SETD1A: variants seen among roughly 807,000 people sequenced by gnomAD.
The protein encoded by SETD1A is SET domain containing 1A, histone lysine methyltransferase, also known as histone-lysine N-methyltransferase SETD1A.
SETD1A carries 29 observed loss-of-function variants against 149.9 expected under a neutral mutation model. The observed-to-expected ratio is 0.19, with a 90% CI of 0.14 to 0.26. The LOEUF (loss-of-function observed/expected upper bound fraction) is 0.26. Ranked by LOEUF, SETD1A falls within the 10% of genes least tolerant of loss-of-function variation. The probability of loss-of-function intolerance (pLI) is 1.00; values close to 1 mark genes in which losing one functional copy is unlikely to be tolerated. For synonymous variants in SETD1A, 1,141 were observed against 968.5 expected (o/e 1.18, Z -3.31); for missense variants, 2,109 against 2,353.1 (o/e 0.90, Z 2.15).
chr16:30,964,001 A>C (rs1015688987), intron 5 of SETD1A, 93 bp from the exon 6 acceptor site: 12 of 1,062,218 alleles, frequency 1.1e-5, no homozygotes, highest in Non-Finnish European at 1.5e-5. Context: ...CAAAAAAAAA[A>C]AAAGGGAACT....
In SETD1A at chr16:30,979,961, G is replaced by A. The variant is rs772206552; in HGVS notation, c.4175G>A (p.Arg1392His). ...GATGGGGAGGGCGCCCTCCGGAGGC[G>A]CAGCCTCCGCTCCCACGCCCGGCGC... ...SSDGEGALRR[R>H]SLRSHARRRR... Residue 1392 changes from arginine (R) to histidine (H), a missense_variant, in exon 14 of 19, where the codon CGC becomes CAC. Physicochemically the swap from Arg to His is conservative, Grantham distance 29. Around this residue, in one of 8 missense-constraint regions of SETD1A, gnomAD observed 832 missense variants for 815.6 expected, o/e 1.02. Transcript: ENST00000262519. 7.7e-5 allele frequency: 118 copies of A among 1,529,236 alleles called. No homozygotes were observed. Among genetic ancestry groups the A allele is most frequent in the South Asian group, 3.1e-4 (26 of 83,022 alleles). The allele number at this position is 1,529,236 out of a possible 1,614,324, so 94.7% of individuals were successfully genotyped here. A position where few individuals can be genotyped will look rare whatever the true frequency, so the allele number is the denominator to read the frequency against.
chr16:30,959,952 C>T (rs1204455908), intron 3 of SETD1A, among the ~76,000 whole-genome samples: 1 of 152,062 alleles, frequency 6.6e-6, no homozygotes, highest in African/African-American at 2.4e-5. Flanking sequence ...AATTATCTAC[C>T]TCCTTAACCT....
chr16:30,968,537 G>A (rs895525732), intron 10 of SETD1A, among the ~76,000 whole-genome samples: 4 of 151,858 alleles, frequency 2.6e-5, no homozygotes. Flanking sequence ...GCAGGGTGGA[G>A]CTCACCTGTA....
In SETD1A at chr16:30,984,250, A is replaced by C. The variant is rs1364622097; in HGVS notation, c.*227A>C. 1 of 558,456 alleles carries C rather than the reference A, an allele frequency of 1.8e-6. No homozygotes were observed. The highest frequency in any genetic ancestry group is 1.9e-5 in the African/African-American group (1 of 53,056). 34.6% of individuals were successfully genotyped at this position (558,456 alleles called of 1,614,324 possible). ...CTGATTGTTTTTCTTTGCGGAGAAG[A>C]AGCTGTAAATGTTTTGTAGCAGCCA... On this transcript the variant is annotated 3_prime_UTR_variant, in exon 19 of 19. Coordinates refer to ENST00000262519, the MANE Select transcript of SETD1A (RefSeq NM_014712.3).
rs1458068258 is a variant in SETD1A at position 30,961,371 on chromosome 16, C to T, written c.351C>T (p.Tyr117=). The part of the protein sequence containing the change: ...ETFLKDMCRK[Y]GEVEEVEILL... ...TCCTGAAGGATATGTGCCGTAAGTA[C>T]GGTGAGGTGGAAGAGGTAGAGATCC... Residue 117 remains tyrosine (Y), a synonymous_variant, in exon 4 of 19, where the codon TAC becomes TAT. Coordinates refer to ENST00000262519, the MANE Select transcript of SETD1A (RefSeq NM_014712.3). The surrounding 1 kb of genome is among the most constrained non-coding windows in gnomAD (Gnocchi z 4.0). 3 of 1,614,066 alleles carry T rather than the reference C, an allele frequency of 1.9e-6. No homozygotes were observed. The highest frequency in any genetic ancestry group is 1.3e-5 in the African/African-American group (1 of 74,916).
Position 30,965,228 on chromosome 16 carries a change from C to T in SETD1A, c.1486C>T (p.Leu496=). ...CCTGGATTCCCGCATCGAGATGCTG[C>T]TGAAGGAGCAGCGCTCCAAGTTTTC... The part of the protein sequence containing the change: ...SSLDSRIEML[L]KEQRSKFSFL... Residue 496 remains leucine, a synonymous_variant, in exon 7 of 19, where the codon CTG becomes TTG. Transcript: ENST00000262519. 6.2e-7 allele frequency: 1 copy of T among 1,614,236 alleles called. No homozygotes were observed. Among genetic ancestry groups the T allele is most frequent in the African/African-American group, 1.3e-5 (1 of 75,068 alleles).
Position 30,964,909 on chromosome 16 carries a change from G to A in SETD1A, c.1167G>A (p.Arg389=). The A allele has an allele frequency of 6.2e-7, 1 of 1,614,160 alleles. No individual in the cohort carries two copies. The highest frequency in any genetic ancestry group is 8.5e-7 in the Non-Finnish European group (1 of 1,179,994). ...HTSYPPRRAT[R]EEPPGAPFAE... is the part of the protein sequence containing the mutation. ...CCTACCCACCACGCCGGGCCACACGGGAGGAACCCCCTGGAGCCCCTTTTG... is the reference window on the plus strand; with the variant it reads ...CCTACCCACCACGCCGGGCCACACGAGAGGAACCCCCTGGAGCCCCTTTTG... Residue 389 remains arginine, a synonymous_variant, in exon 7 of 19, where the codon CGG becomes CGA. Transcript: ENST00000262519.
At position 30,964,807 on chromosome 16, in the gene SETD1A, G is replaced by C. The variant is rs139119057; in HGVS notation, c.1065G>C (p.Ser355=). 123 of 1,613,960 alleles carry C rather than the reference G, an allele frequency of 7.6e-5. 1 individual carries two copies. In the Middle Eastern group the frequency reaches 1.3e-3, roughly 17 times the overall value. Residue 355 remains serine, a synonymous_variant, in exon 7 of 19, where the codon TCG becomes TCC. Coordinates refer to ENST00000262519, the MANE Select transcript of SETD1A (RefSeq NM_014712.3). ...SSSSSSSSSS[S]SSQFRSSDAN... is the part of the protein sequence containing the mutation. ...CCTCCTCGTCATCCTCTTCCTCCTC[G>C]TCCTCTCAGTTTCGTAGTTCTGATG...
At chr16:30,982,593 C>T (rs1176022905) in intron 17 of SETD1A, among the ~76,000 whole-genome samples, 2 of 152,098 alleles carry the variant, frequency 1.3e-5, no homozygotes, top group African/African-American at 4.8e-5. Flanking sequence ...GCTTGGGAGC[C>T]TGTGAATCCA....
chr16:30,969,268 A>T, intron 10 of SETD1A, 37 bp from the exon 11 acceptor site: 1 of 1,596,054 alleles, frequency 6.3e-7, no homozygotes, highest in Non-Finnish European at 8.5e-7. Flanking sequence ...CTTGTGGTTG[A>T]TGGTAAATTT....
Position 30,965,470 on chromosome 16 carries a change from G to A in SETD1A, c.1719+9G>A. The A allele has an allele frequency of 6.3e-7, 1 of 1,588,382 alleles. No homozygotes were observed. Among genetic ancestry groups the A allele is most frequent in the South Asian group, 1.1e-5 (1 of 88,868 alleles). On this transcript the variant is annotated intron_variant, in intron 7 of 18. Coordinates refer to ENST00000262519, the MANE Select transcript of SETD1A (RefSeq NM_014712.3). ...CAAATGGACAGAACCAGGTGAGGTT[G>A]GGGTCAGCCAGAGGAGGCACCTGGG...
Position 30,967,489 on chromosome 16 carries a change from C to T in SETD1A, c.2683-12C>T, listed in dbSNP as rs1399313177. The T allele has an allele frequency of 1.2e-6, 2 of 1,613,552 alleles. No individual in the cohort carries two copies. On this transcript the variant is annotated splice_polypyrimidine_tract_variant and intron_variant, in intron 9 of 18. Coordinates refer to ENST00000262519, the MANE Select transcript of SETD1A (RefSeq NM_014712.3). The stretch of plus-strand genomic sequence containing the variant: ...AGCTCTAAACAGGCCCCATCTTTTC[C>T]CCATCCCCCAGGTAAAGCGGAAAGA...
chr16:30,961,585 T>A lies in SETD1A; in HGVS notation c.517+48T>A. The A allele has an allele frequency of 6.3e-7, 1 of 1,589,408 alleles. No individual in the cohort carries two copies. The highest frequency in any genetic ancestry group is 8.6e-7 in the Non-Finnish European group (1 of 1,167,172). On this transcript the variant is annotated intron_variant, in intron 4 of 18. Transcript: ENST00000262519. This position sits in a 1 kb window ranked among gnomAD's most constrained non-coding sequence, Gnocchi z 4.0. ...CTCAGGCTTGGCCTCCAGCGGAGGT[T>A]GTACATGCAAATGCCTGTCAGGGTC...
chr16:30,958,679 G>A (rs1041355356), intron 1 of SETD1A, 38 bp from the exon 2 acceptor site: 27 of 1,588,786 alleles, frequency 1.7e-5, no homozygotes, highest in Non-Finnish European at 2.3e-5. Flanking sequence ...CAGGCCCCAA[G>A]TCCTGATCCT....
intron 16 of SETD1A, 57 bp from the exon 17 acceptor site, chr16:30,981,004 G>A: frequency 1.2e-6 from 2 of 1,607,370 alleles, no homozygotes; most frequent in East Asian, 2.2e-5. Flanking sequence ...TGTGGGAAGA[G>A]TGAGGGTCTG....
Position 30,964,149 on chromosome 16 carries a change from C to G in SETD1A, c.695C>G (p.Thr232Ser). Reference protein sequence around the residue: ...SDTAAYPAGTTAVGTPGNGTP... With the variant: ...SDTAAYPAGTSAVGTPGNGTP... ...ACAGCTGCCTACCCAGCAGGCACCA[C>G]TGCGGTGGGCACTCCTGGCAACGGC... is the stretch of plus-strand genomic sequence containing the variant. The change falls in exon 6 of 19, where the codon ACT becomes AGT. Residue 232 changes from threonine to serine, a missense_variant. Physicochemically the swap from Thr to Ser is moderately conservative, Grantham distance 58 (BLOSUM62 1). This residue lies in a region of SETD1A where 410 missense variants were observed against 394.8 expected (regional missense o/e 1.04). Coordinates refer to ENST00000262519, the MANE Select transcript of SETD1A (RefSeq NM_014712.3). 2 of 1,614,180 alleles carry G rather than the reference C, an allele frequency of 1.2e-6. No individual in the cohort carries two copies. The highest frequency in any genetic ancestry group is 1.7e-6 in the Non-Finnish European group (2 of 1,180,016).
rs1298761813 is a variant in SETD1A at position 30,984,131 on chromosome 16, TCCAAGCGTGGGGTTGGGGGCC to T, written c.*115_*135del. The T allele has an allele frequency of 9.2e-7, 1 of 1,091,688 alleles. No homozygotes were observed. Among genetic ancestry groups the T allele is most frequent in the Non-Finnish European group, 1.3e-6 (1 of 785,578 alleles). 67.6% of individuals were successfully genotyped at this position (1,091,688 alleles called of 1,614,324 possible). A position where few individuals can be genotyped will look rare whatever the true frequency, so the allele number is the denominator to read the frequency against. On this transcript the variant is annotated 3_prime_UTR_variant, in exon 19 of 19. Transcript: ENST00000262519. ...TCAGCAGGGCCCACATGCCCCCATCTCCAAGCGTGGGGTTGGGGGCCCCAAGCCCAGCGAGGGAGCCTCAGT... is the reference window on the plus strand; with the variant it reads ...TCAGCAGGGCCCACATGCCCCCATCTCCAAGCCCAGCGAGGGAGCCTCAGT...
chr16:30,963,629 T>C, intron 5 of SETD1A, 75 bp downstream of exon 5: 1 of 1,479,254 alleles, frequency 6.8e-7, no homozygotes, highest in Non-Finnish European at 9.1e-7. Context: ...GGAGCAGTCT[T>C]CGGGAGGTTC....
rs1051232687 is a variant in SETD1A, at chr16:30,958,589, C to T, written c.-15-128C>T. 14 of 754,172 alleles carry T rather than the reference C, an allele frequency of 1.9e-5. No individual in the cohort carries two copies. In the African/African-American group the frequency reaches 1.9e-4, roughly 10 times the overall value. 46.7% of individuals were successfully genotyped at this position (754,172 alleles called of 1,614,324 possible). A position where few individuals can be genotyped will look rare whatever the true frequency, so the allele number is the denominator to read the frequency against. On this transcript the variant is annotated intron_variant, in intron 1 of 18. Coordinates refer to ENST00000262519, the MANE Select transcript of SETD1A (RefSeq NM_014712.3). ...CTTGGGGGAGAATCCGGGGGAGCCC[C>T]GGGTCAGGGTGAGGGTTGGAAACTG...
Sources: allele counts gnomAD v4.1 joint callset (sites outside exome capture counted in the v4.1 genomes callset), GRCh38; gene constraint gnomAD v4.1.1; regional missense constraint gnomAD v4.1.1; non-coding constraint Gnocchi (gnomAD v3.1); transcripts MANE v1.5; gene names NCBI Gene and HGNC (gene_info 2026-07-23, HGNC 2026-07-21).